The following MICU1 variants were observed in gnomAD, a reference collection of about 807,000 sequenced individuals.
The protein encoded by MICU1 is mitochondrial calcium uptake 1, also known as calcium uptake protein 1, mitochondrial.
MICU1 carries 45 observed loss-of-function variants against 56.8 expected under a neutral mutation model. The ratio of observed to expected loss-of-function variants is 0.79; its 90% CI spans 0.62 to 1.02. The LOEUF (loss-of-function observed/expected upper bound fraction) is 1.02. MICU1 is among the 50% of genes least tolerant of loss of function. The probability of loss-of-function intolerance (pLI) is 0.00; values close to 1 mark genes in which losing one functional copy is unlikely to be tolerated. For missense variants in MICU1, 504 were observed against 587.1 expected (o/e 0.86, Z 1.46); for synonymous variants, 186 against 195.1 (o/e 0.95, Z 0.39).
chr10:72,592,858 C>A (rs570268160), intron 1 of MICU1, among the ~76,000 whole-genome samples: 1 of 151,452 alleles, frequency 6.6e-6, no homozygotes, highest in East Asian at 1.9e-4. Flanking sequence ...TCTCGGCTCA[C>A]TGCAACCTCT....
At position 72,508,155 on chromosome 10, in the gene MICU1, TG is replaced by T; in HGVS notation, c.651del (p.Thr218LeufsTer15). On this transcript the variant is annotated frameshift_variant and splice_region_variant, in exon 6 of 12. Coordinates refer to ENST00000361114, the MANE Select transcript of MICU1 (RefSeq NM_001195518.2). LOFTEE classifies it high-confidence loss of function. ...SDYIFLTTVL[S>X]TPQRNFEIAF... The stretch of plus-strand genomic sequence containing the variant: ...GGAAAAAGAAAACGTTTATACTTAC[TG>T]GAAAGAACAGTTGTGAGGAAAATGT... 1 of 1,477,300 alleles carries T rather than the reference TG, an allele frequency of 6.8e-7. No individual in the cohort carries two copies. The highest frequency in any genetic ancestry group is 9.2e-7 in the Non-Finnish European group (1 of 1,091,488). The allele number at this position is 1,477,300 out of a possible 1,614,324, so 91.5% of individuals were successfully genotyped here.
chr10:72,439,805 A>G (rs963607216), intron 8 of MICU1, among the ~76,000 whole-genome samples: 2 of 152,192 alleles, frequency 1.3e-5, no homozygotes, highest in African/African-American at 4.8e-5. Flanking sequence ...CAATTGCTAC[A>G]AAGAGAATAA....
At chr10:72,566,495 C>T (rs1227869690) in intron 2 of MICU1, 138 bp downstream of exon 2, 10 of 851,884 alleles carry the variant, frequency 1.2e-5, no homozygotes, top group South Asian at 5.6e-5. Flanking sequence ...ATTTCATAGA[C>T]GAATATTAAC....
At chr10:72,575,861 G>C (rs1337772027) in intron 1 of MICU1, among the ~76,000 whole-genome samples, 3 of 151,952 alleles carry the variant, frequency 2.0e-5, no homozygotes, top group Non-Finnish European at 4.4e-5. Context: ...ACCTTACAAG[G>C]GCCTCTAAAT....
chr10:72,585,096 T>C (rs1236180785), intron 1 of MICU1, among the ~76,000 whole-genome samples: 1 of 149,600 alleles, frequency 6.7e-6, no homozygotes, highest in Non-Finnish European at 1.5e-5. Flanking sequence ...TTTTTTTTGT[T>C]TTTTTTTTTG....
intron 11 of MICU1, among the ~76,000 whole-genome samples, chr10:72,371,604 C>T (rs1862342972): frequency 6.6e-6 from 1 of 151,886 alleles, no homozygotes; most frequent in Admixed American, 6.6e-5. Context: ...ATTAGCCAGG[C>T]GTGGTGGTGG....
intron 3 of MICU1, among the ~76,000 whole-genome samples, chr10:72,557,127 G>A (rs1433218048): frequency 6.6e-6 from 1 of 151,608 alleles, no homozygotes; most frequent in African/African-American, 2.4e-5. Flanking sequence ...TTTAAAACAA[G>A]CATATTAGTT....
chr10:72,420,978 G>A (rs1312672333), intron 9 of MICU1, among the ~76,000 whole-genome samples: 5 of 139,018 alleles, frequency 3.6e-5, no homozygotes, highest in African/African-American at 1.3e-4. Flanking sequence ...TTCCAGCCTG[G>A]GCAACAAGAG....
At chr10:72,605,633 A>G (rs1370878773) in intron 1 of MICU1, among the ~76,000 whole-genome samples, 5 of 152,200 alleles carry the variant, frequency 3.3e-5, no homozygotes, top group African/African-American at 9.7e-5. Context: ...ATAATAATTT[A>G]AATTATTTAC....
intron 4 of MICU1, among the ~76,000 whole-genome samples, chr10:72,547,686 C>A (rs989065228): frequency 6.6e-6 from 1 of 151,972 alleles, no homozygotes; most frequent in Non-Finnish European, 1.5e-5. Context: ...GGGTGAAGCA[C>A]AAAGGATAGA....
chr10:72,586,006 T>A (rs916029084), intron 1 of MICU1, among the ~76,000 whole-genome samples: 5 of 122,620 alleles, frequency 4.1e-5, no homozygotes, highest in Non-Finnish European at 6.9e-5. Flanking sequence ...TTTTTCTTTT[T>A]TTTTTTCTTT....
intron 1 of MICU1, among the ~76,000 whole-genome samples, chr10:72,600,512 G>A (rs1262095115): frequency 2.0e-5 from 3 of 151,500 alleles, no homozygotes; most frequent in Non-Finnish European, 4.4e-5. Context: ...AGCTGGGCAC[G>A]GTGATGCACA....
chr10:72,589,027 C>T (rs1042632480), intron 1 of MICU1, among the ~76,000 whole-genome samples: 9 of 152,162 alleles, frequency 5.9e-5, no homozygotes, highest in African/African-American at 2.2e-4. Context: ...GTGACTCACG[C>T]CTGTAATCCC....
At chr10:72,391,333 G>A (rs1456762606) in intron 10 of MICU1, among the ~76,000 whole-genome samples, 1 of 152,150 alleles carries the variant, frequency 6.6e-6, no homozygotes, top group African/African-American at 2.4e-5. Flanking sequence ...TTGGGAGGCT[G>A]AGGCAGGAGG....
chr10:72,575,341 TA>T (rs1362624124), intron 1 of MICU1, among the ~76,000 whole-genome samples: 2 of 152,242 alleles, frequency 1.3e-5, no homozygotes, highest in Admixed American at 6.5e-5. Flanking sequence ...TTTACATTTT[TA>T]ATAGCTTTAA....
At chr10:72,487,363 C>T (rs1866508531) in intron 6 of MICU1, among the ~76,000 whole-genome samples, 1 of 152,140 alleles carries the variant, frequency 6.6e-6, no homozygotes, top group Non-Finnish European at 1.5e-5. Flanking sequence ...AGATCAGCTA[C>T]AGACAAGAGC....
intron 10 of MICU1, among the ~76,000 whole-genome samples, chr10:72,405,608 T>C (rs1469025085): frequency 1.3e-5 from 2 of 151,886 alleles, no homozygotes; most frequent in African/African-American, 4.8e-5. Flanking sequence ...CCAATATCTG[T>C]CAATATTTAA....
At chr10:72,567,388 G>A (rs1840468074) in intron 1 of MICU1, among the ~76,000 whole-genome samples, 1 of 152,060 alleles carries the variant, frequency 6.6e-6, no homozygotes, top group Non-Finnish European at 1.5e-5. Context: ...CTACTCAGAA[G>A]TTAAAGAAAT....
chr10:72,412,957 G>A (rs1863870477), intron 9 of MICU1, among the ~76,000 whole-genome samples: 1 of 152,110 alleles, frequency 6.6e-6, no homozygotes, highest in Admixed American at 6.5e-5. Context: ...AGCACTTTGG[G>A]AGGCAAAGGC....
Sources: allele counts gnomAD v4.1 joint callset (sites outside exome capture counted in the v4.1 genomes callset), GRCh38; gene constraint gnomAD v4.1.1; transcripts MANE v1.5; gene names NCBI Gene and HGNC (gene_info 2026-07-23, HGNC 2026-07-21).